Variants in UGT1A7 observed in about 807,000 individuals in gnomAD.
UGT1A7 encodes UDP-glucuronosyltransferase 1A7.
Under a neutral mutation model 45.6 loss-of-function variants are expected in UGT1A7, and 33 were observed. The ratio of observed to expected loss-of-function variants is 0.72; its 90% CI spans 0.55 to 0.97. UGT1A7 has a LOEUF of 0.97. Ranked by LOEUF, UGT1A7 falls within the 50% of genes least tolerant of loss-of-function variation. The pLI, the probability that UGT1A7 is intolerant of heterozygous loss-of-function variation, is 0.00. For missense variants in UGT1A7, 684 were observed against 666.2 expected (o/e 1.03, Z -0.29); for synonymous variants, 274 against 250.6 (o/e 1.09, Z -0.88).
chr2:233,758,584 G>A (rs1696918443), intron 1 of UGT1A7, among the ~76,000 whole-genome samples: 1 of 152,180 alleles, frequency 6.6e-6, no homozygotes. Context: ...AAGAGTGTTT[G>A]GGTGTGGGGA....
At chr2:233,733,152 T>G (rs1034530556) in intron 1 of UGT1A7, among the ~76,000 whole-genome samples, 15 of 152,252 alleles carry the variant, frequency 9.9e-5, no homozygotes, top group African/African-American at 3.4e-4. Context: ...TTTTGCACAT[T>G]GATTTTGTAT....
At chr2:233,713,634 C>T (rs1302996427) in intron 1 of UGT1A7, 1 of 1,613,964 alleles carries the variant, frequency 6.2e-7, no homozygotes, top group South Asian at 1.1e-5. Flanking sequence ...CAAGAACATG[C>T]TCTACCCTCT....
chr2:233,712,550 T>A (rs2076239846), intron 1 of UGT1A7, among the ~76,000 whole-genome samples: 2 of 151,862 alleles, frequency 1.3e-5, no homozygotes, highest in Admixed American at 1.3e-4. Flanking sequence ...GAAGAAAGAG[T>A]ATTAAGAGTT....
intron 1 of UGT1A7, chr2:233,756,069 T>C (rs991797292): frequency 4.6e-5 from 7 of 152,198 alleles, no homozygotes; most frequent in African/African-American, 7.2e-5. Context: ...TGTGGGAGAA[T>C]GACAATGAGA....
rs1205477836 is a variant in UGT1A7 at position 233,760,858 on chromosome 2, TC to T, written c.856-6174del. 2.5e-6 allele frequency: 4 copies of T among 1,613,972 alleles called. No homozygotes were observed. In the African/African-American group the frequency reaches 4.0e-5, roughly 16 times the overall value. On this transcript the variant is annotated intron_variant, in intron 1 of 4. Transcript: ENST00000373426. ...GGCTACCCAGTGCCCCAACCCATTC[TC>T]CTACGTGCCCAGGCCTCTCTCCTCT... is the stretch of plus-strand genomic sequence containing the variant.
At chr2:233,729,066 A>G (rs1283687503) in intron 1 of UGT1A7, 3 of 1,611,112 alleles carry the variant, frequency 1.9e-6, no homozygotes, top group Non-Finnish European at 2.5e-6. Context: ...TAAGATGAAG[A>G]AAGCAAATGT....
At chr2:233,764,575 ACT>A (rs1417974721) in intron 1 of UGT1A7, among the ~76,000 whole-genome samples, 4 of 152,070 alleles carry the variant, frequency 2.6e-5, no homozygotes, top group African/African-American at 9.7e-5. Context: ...GAGAACTTAG[ACT>A]CGGCCTTTTC....
chr2:233,772,832 C>A lies in UGT1A7; in HGVS notation c.*273C>A. ...GAGGACGTGCAGACAGGCTGGCATT[C>A]TAGATTACTTTTCTTACTCTGAAAC... On this transcript the variant is annotated 3_prime_UTR_variant, in exon 5 of 5. Coordinates refer to ENST00000373426, the MANE Select transcript of UGT1A7 (RefSeq NM_019077.3). 1 of 899,518 alleles carries A rather than the reference C, an allele frequency of 1.1e-6. No homozygotes were observed. Among genetic ancestry groups the A allele is most frequent in the Non-Finnish European group, 1.5e-6 (1 of 646,888 alleles). The allele number at this position is 899,518 out of a possible 1,614,324, so 55.7% of individuals were successfully genotyped here.
intron 1 of UGT1A7, among the ~76,000 whole-genome samples, chr2:233,704,300 A>G (rs2075779861): frequency 6.8e-6 from 1 of 146,016 alleles, no homozygotes; most frequent in Non-Finnish European, 1.5e-5. Flanking sequence ...CTAGTGCAAC[A>G]TGTAAAATCC....
intron 1 of UGT1A7, chr2:233,754,583 T>A (rs1211544533): frequency 2.3e-6 from 1 of 426,868 alleles, no homozygotes; most frequent in East Asian, 7.0e-5. Context: ...ATGCCGTTTA[T>A]TATGAAGGAC....
At chr2:233,755,096 G>T (rs62191920) in intron 1 of UGT1A7, 3 of 1,334,468 alleles carry the variant, frequency 2.2e-6, no homozygotes, top group Non-Finnish European at 3.0e-6. Context: ...GTTTCTACGC[G>T]TCCGACAACA....
Position 233,682,321 on chromosome 2 carries a change from T to C in UGT1A7, c.384T>C (p.Phe128=), listed in dbSNP as rs1271026452. 1 of 1,614,074 alleles carries C rather than the reference T, an allele frequency of 6.2e-7. No individual in the cohort carries two copies. The highest frequency in any genetic ancestry group is 8.5e-7 in the Non-Finnish European group (1 of 1,180,036). The change falls in exon 1 of 5, where the codon TTT becomes TTC. Residue 128 remains phenylalanine, a synonymous_variant. Coordinates refer to ENST00000373426, the MANE Select transcript of UGT1A7 (RefSeq NM_019077.3). ...TTTTTTCAAATTGCAGGAGTTTGTT[T>C]AATGACCGAAAATTAGTAGAATACT... is the stretch of plus-strand genomic sequence containing the variant. The part of the protein sequence containing the change: ...DLFFSNCRSL[F]NDRKLVEYLK...
chr2:233,772,427 C>T lies in UGT1A7; in HGVS notation c.1461C>T (p.Asp487=), dbSNP rs114123636. ...CCTGGTACCAGTACCATTCCTTGGA[C>T]GTGATTGGTTTCCTCTTGGCCGTCG... ...DLTWYQYHSL[D]VIGFLLAVVL... is the part of the protein sequence containing the mutation. The change falls in exon 5 of 5, where the codon GAC becomes GAT. Residue 487 remains aspartate, a synonymous_variant. Coordinates refer to ENST00000373426, the MANE Select transcript of UGT1A7 (RefSeq NM_019077.3). The T allele has an allele frequency of 1.1e-4, 177 of 1,614,220 alleles. No homozygotes were observed. The highest frequency in any genetic ancestry group is 8.7e-4 in the East Asian group (39 of 44,876).
chr2:233,705,478 A>G (rs1475008681), intron 1 of UGT1A7, among the ~76,000 whole-genome samples: 1 of 152,162 alleles, frequency 6.6e-6, no homozygotes, highest in East Asian at 1.9e-4. Context: ...CATGAGGCAA[A>G]TTTAATGATA....
chr2:233,694,717 T>A (rs1262844256), intron 1 of UGT1A7, among the ~76,000 whole-genome samples: 4 of 152,178 alleles, frequency 2.6e-5, no homozygotes, highest in Non-Finnish European at 5.9e-5. Flanking sequence ...CACCTGCTGA[T>A]TTCTCTGTTA....
At chr2:233,748,271 GAGGA>G (rs762610387) in intron 1 of UGT1A7, among the ~76,000 whole-genome samples, 6 of 151,770 alleles carry the variant, frequency 4.0e-5, no homozygotes, top group Admixed American at 1.3e-4. Flanking sequence ...TGGTCAATGA[GAGGA>G]AGAAGAGGCA....
rs562389152 is a variant in UGT1A7 at position 233,767,124 on chromosome 2, G to C, written c.946G>C (p.Ala316Pro). The C allele has an allele frequency of 6.2e-7, 1 of 1,614,112 alleles. No individual in the cohort carries two copies. The highest frequency in any genetic ancestry group is 2.2e-5 in the East Asian group (1 of 44,864). Residue 316 changes from alanine (A) to proline (P), a missense_variant, in exon 2 of 5, where the codon GCT (alanine) becomes CCT (proline). Transcript: ENST00000373426. ...GGTCTCAGAAATTCCAGAGAAGAAA[G>C]CTATGGCAATTGCTGATGCTTTGGG... ...SMVSEIPEKK[A>P]MAIADALGKI...
At chr2:233,749,910 C>A (rs1694301201) in intron 1 of UGT1A7, among the ~76,000 whole-genome samples, 1 of 151,934 alleles carries the variant, frequency 6.6e-6, no homozygotes, top group South Asian at 2.1e-4. Context: ...CCACCTGGAA[C>A]TGTGAGTCAA....
At chr2:233,729,564 T>A in intron 1 of UGT1A7, 2 of 1,614,164 alleles carry the variant, frequency 1.2e-6, no homozygotes. Flanking sequence ...CTACTTCCTT[T>A]GATGTGGTTT....
Sources: allele counts gnomAD v4.1 joint callset (sites outside exome capture counted in the v4.1 genomes callset), GRCh38; gene constraint gnomAD v4.1.1; transcripts MANE v1.5; gene names NCBI Gene and HGNC (gene_info 2026-07-23, HGNC 2026-07-21).